HDAC9: variants seen among roughly 807,000 people sequenced by gnomAD.
HDAC9 encodes histone deacetylase 9, also known as MEF-2 interacting transcription repressor (MITR) protein.
HDAC9 carries 41 observed loss-of-function variants against 139.4 expected under a neutral mutation model. The observed-to-expected ratio is 0.29, with a 90% CI of 0.23 to 0.38. HDAC9 has a LOEUF of 0.38. Ranked by LOEUF, HDAC9 falls within the 10% of genes least tolerant of loss-of-function variation. The pLI, the probability that HDAC9 is intolerant of heterozygous loss-of-function variation, is 1.00. For missense variants in HDAC9, 1,147 were observed against 1,297.0 expected (o/e 0.88, Z 1.78); for synonymous variants, 517 against 476.2 (o/e 1.09, Z -1.12).
intron 8 of HDAC9, among the ~76,000 whole-genome samples, chr7:18,635,523 A>G (rs959839764): frequency 6.6e-6 from 1 of 152,078 alleles, no homozygotes; most frequent in African/African-American, 2.4e-5. Context: ...GAATTTGTCT[A>G]TGTAGTTTCT....
intron 1 of HDAC9, among the ~76,000 whole-genome samples, chr7:18,300,840 C>A (rs572503434): frequency 6.6e-6 from 1 of 152,102 alleles, no homozygotes; most frequent in African/African-American, 2.4e-5. Context: ...AAAAATACTT[C>A]TAGGAAAAAT....
chr7:18,454,025 C>A (rs541926696), intron 1 of HDAC9, among the ~76,000 whole-genome samples: 1 of 151,716 alleles, frequency 6.6e-6, no homozygotes, highest in Non-Finnish European at 1.5e-5. Flanking sequence ...TAATCTAATG[C>A]GAAAACAGAC....
chr7:18,368,693 C>T (rs1203473410), intron 1 of HDAC9, among the ~76,000 whole-genome samples: 3 of 151,862 alleles, frequency 2.0e-5, no homozygotes, highest in Non-Finnish European at 4.4e-5. Flanking sequence ...TATGATGATC[C>T]ACTTGAGTAA....
intron 23 of HDAC9, among the ~76,000 whole-genome samples, chr7:18,952,936 G>A (rs866092280): frequency 3.3e-5 from 5 of 151,480 alleles, no homozygotes; most frequent in East Asian, 1.9e-4. Context: ...GAATTTACCC[G>A]TGTATAAATA....
chr7:18,896,241 T>C (rs997709138), intron 22 of HDAC9, among the ~76,000 whole-genome samples: 1 of 152,142 alleles, frequency 6.6e-6, no homozygotes, highest in African/African-American at 2.4e-5. Context: ...TATAGAAATA[T>C]TTCTGCTTAC....
intron 17 of HDAC9, among the ~76,000 whole-genome samples, chr7:18,802,141 T>A (rs1323719560): frequency 6.6e-6 from 1 of 151,904 alleles, no homozygotes; most frequent in East Asian, 1.9e-4. Context: ...CAACCTGTAG[T>A]CTTTTCTACT....
chr7:18,410,993 G>C (rs892710018), intron 1 of HDAC9, among the ~76,000 whole-genome samples: 4 of 152,178 alleles, frequency 2.6e-5, no homozygotes, highest in African/African-American at 9.7e-5. Flanking sequence ...TCAAAGCCTA[G>C]TTTTGGAAAT....
chr7:18,216,204 G>C (rs976752783), intron 2 of HDAC9, among the ~76,000 whole-genome samples: 3 of 151,928 alleles, frequency 2.0e-5, no homozygotes, highest in East Asian at 1.9e-4. Context: ...TGATTGATTA[G>C]TTGGTTAGTT....
chr7:18,365,032 A>T (rs762605122), intron 1 of HDAC9, among the ~76,000 whole-genome samples: 2 of 152,136 alleles, frequency 1.3e-5, no homozygotes, highest in Non-Finnish European at 2.9e-5. Flanking sequence ...TAGCTAAGAG[A>T]TGGGGCAAAG....
chr7:18,645,810 A>G (rs1429497602), intron 9 of HDAC9, among the ~76,000 whole-genome samples: 3 of 152,150 alleles, frequency 2.0e-5, no homozygotes, highest in African/African-American at 7.2e-5. Context: ...CACTGAGTTG[A>G]ATGTGTCAAG....
intron 2 of HDAC9, among the ~76,000 whole-genome samples, chr7:18,521,509 CA>C (rs956662706): frequency 4.6e-5 from 7 of 152,118 alleles, no homozygotes; most frequent in African/African-American, 1.7e-4. Flanking sequence ...ATAAAATAAG[CA>C]AAATGGATAA....
intron 1 of HDAC9, among the ~76,000 whole-genome samples, chr7:18,124,325 G>C (rs376208661): frequency 2.0e-5 from 3 of 152,154 alleles, no homozygotes; most frequent in African/African-American, 7.2e-5. Context: ...AAAAATTTTA[G>C]CTTTCCAAGT....
At chr7:18,469,205 G>GT (rs1794538254) in intron 1 of HDAC9, among the ~76,000 whole-genome samples, 1 of 152,150 alleles carries the variant, frequency 6.6e-6, no homozygotes, top group Non-Finnish European at 1.5e-5. Context: ...CTATGTATGT[G>GT]TATGTGATTT....
intron 21 of HDAC9, among the ~76,000 whole-genome samples, chr7:18,858,334 C>T (rs1022796095): frequency 2.6e-5 from 4 of 152,096 alleles, no homozygotes; most frequent in Non-Finnish European, 5.9e-5. Context: ...CTAGGCAAGC[C>T]TCAGGAAACT....
chr7:18,717,349 T>G (rs1784778540), intron 12 of HDAC9, among the ~76,000 whole-genome samples: 2 of 152,096 alleles, frequency 1.3e-5, no homozygotes, highest in African/African-American at 2.4e-5. Flanking sequence ...TCCTCACACG[T>G]TTGTTAAAGA....
chr7:18,168,400 A>G (rs192411487), intron 2 of HDAC9, among the ~76,000 whole-genome samples: 4 of 152,358 alleles, frequency 2.6e-5, no homozygotes, highest in African/African-American at 9.6e-5. Context: ...ACTATAAAAC[A>G]ATGCTAGACT....
chr7:18,258,505 C>T (rs186681687), intron 2 of HDAC9, among the ~76,000 whole-genome samples: 11 of 152,196 alleles, frequency 7.2e-5, no homozygotes, highest in Admixed American at 5.9e-4. Flanking sequence ...TTCCCAAGTC[C>T]CCAGAGTCCA....
intron 2 of HDAC9, among the ~76,000 whole-genome samples, chr7:18,264,314 A>G (rs548484746): frequency 5.9e-4 from 90 of 152,322 alleles, no homozygotes; most frequent in African/African-American, 2.1e-3. Context: ...AACAGCATGC[A>G]AAGTATATTC....
intron 1 of HDAC9, among the ~76,000 whole-genome samples, chr7:18,372,384 G>A (rs1784659657): frequency 6.6e-6 from 1 of 152,182 alleles, no homozygotes; most frequent in African/African-American, 2.4e-5. Flanking sequence ...CTCCAAACCA[G>A]GACAGGCATG....
Sources: allele counts gnomAD v4.1 joint callset (sites outside exome capture counted in the v4.1 genomes callset), GRCh38; gene constraint gnomAD v4.1.1; transcripts MANE v1.5; gene names NCBI Gene and HGNC (gene_info 2026-07-23, HGNC 2026-07-21).